MAN2A1: variants seen among roughly 807,000 people sequenced by gnomAD.
The protein encoded by MAN2A1 is mannosidase alpha class 2A member 1, also known as alpha-mannosidase 2.
MAN2A1 carries 76 observed loss-of-function variants against 142.6 expected under a neutral mutation model. The observed-to-expected ratio is 0.53, with a 90% CI of 0.44 to 0.65. The LOEUF (loss-of-function observed/expected upper bound fraction) is 0.65. MAN2A1 is among the 30% of genes least tolerant of loss of function. The pLI is 0.00. For missense variants in MAN2A1, 1,311 were observed against 1,365.1 expected (o/e 0.96, Z 0.62); for synonymous variants, 559 against 473.2 (o/e 1.18, Z -2.35).
chr5:109,778,412 G>A (rs536841109), intron 8 of MAN2A1, among the ~76,000 whole-genome samples: 8 of 152,076 alleles, frequency 5.3e-5, no homozygotes, highest in African/African-American at 1.7e-4. Context: ...TTGAGTAGGC[G>A]TGGTGAAAGC....
At chr5:109,815,851 C>A (rs1754442299) in intron 12 of MAN2A1, among the ~76,000 whole-genome samples, 1 of 152,156 alleles carries the variant, frequency 6.6e-6, no homozygotes, top group Admixed American at 6.5e-5. Flanking sequence ...TCCAACTATT[C>A]AGTGTGTTCC....
intron 16 of MAN2A1, among the ~76,000 whole-genome samples, chr5:109,831,020 G>C (rs1754892935): frequency 3.9e-5 from 6 of 152,148 alleles, no homozygotes; most frequent in Admixed American, 3.9e-4. Flanking sequence ...ACAGGGATGG[G>C]GGAAACACAG....
In MAN2A1 at chr5:109,767,687, T is replaced by A. The variant is rs759644390; in HGVS notation, c.988T>A (p.Phe330Ile). Residue 330 changes from phenylalanine (F) to isoleucine (I), a missense_variant, in exon 6 of 22, where the codon TTT becomes ATT. This residue lies in a region of MAN2A1 where 409 missense variants were observed against 412.7 expected (regional missense o/e 0.99). Coordinates refer to ENST00000261483, the MANE Select transcript of MAN2A1 (RefSeq NM_002372.4). ...KHFALHKTLE[F>I]FWRQNWDLGS... is the part of the protein sequence containing the mutation. Reference sequence around the variant, plus strand: ...CTTTGCACTGCATAAAACATTGGAGTTTTTTTGGAGACAGAATTGGGGTAT... The same window carrying A: ...CTTTGCACTGCATAAAACATTGGAGATTTTTTGGAGACAGAATTGGGGTAT... The A allele has an allele frequency of 6.2e-7, 1 of 1,611,832 alleles. No individual in the cohort carries two copies. The highest frequency in any genetic ancestry group is 8.5e-7 in the Non-Finnish European group (1 of 1,179,194).
intron 4 of MAN2A1, among the ~76,000 whole-genome samples, chr5:109,739,713 C>T (rs2112603399): frequency 6.6e-6 from 1 of 152,254 alleles, no homozygotes; most frequent in Non-Finnish European, 1.5e-5. Context: ...CTTTTCTAAC[C>T]ATATACTTTC....
At chr5:109,804,170 C>T in intron 12 of MAN2A1, 1 of 987,212 alleles carries the variant, frequency 1.0e-6, no homozygotes, top group Non-Finnish European at 1.2e-6. Flanking sequence ...AAAGCGTGCA[C>T]AACAAGAGGA....
intron 19 of MAN2A1, among the ~76,000 whole-genome samples, chr5:109,850,372 T>C (rs1039506157): frequency 6.6e-6 from 1 of 152,202 alleles, no homozygotes; most frequent in African/African-American, 2.4e-5. Flanking sequence ...TCATTTGTCC[T>C]TATATTTGGT....
At chr5:109,708,957 A>G (rs1237969567) in intron 1 of MAN2A1, among the ~76,000 whole-genome samples, 1 of 152,166 alleles carries the variant, frequency 6.6e-6, no homozygotes, top group Non-Finnish European at 1.5e-5. Context: ...TCCTCTGGAA[A>G]CACTCTCACA....
In MAN2A1 at chr5:109,803,073, A is replaced by G. The variant is rs541051750; in HGVS notation, c.1943+13546A>G. Among the ~76,000 whole-genome samples, 75 of 152,174 alleles carry G rather than the reference A, an allele frequency of 4.9e-4. 1 individual carries two copies. Among genetic ancestry groups the G allele is most frequent in the African/African-American group, 1.7e-3 (70 of 41,564 alleles). ...GTGTGGGATTTGCCTTAGTGCTTTA[A>G]CAGCATAGGATTTTAAATCATTCTT... On this transcript the variant is annotated intron_variant, in intron 12 of 21. Coordinates refer to ENST00000261483, the MANE Select transcript of MAN2A1 (RefSeq NM_002372.4).
chr5:109,746,253 A>T (rs561395163), intron 4 of MAN2A1, among the ~76,000 whole-genome samples: 38 of 152,310 alleles, frequency 2.5e-4, no homozygotes, highest in South Asian at 1.9e-3. Context: ...GAGATTACAG[A>T]TGTGAACCAC....
Position 109,855,125 on chromosome 5 carries a change from G to T in MAN2A1, c.2977-15G>T, listed in dbSNP as rs1391862491. ...AAATATAGACCTCTTAAACATTTTT[G>T]TTTTTTCTTGATAGGAAGAAGAAAA... On this transcript the variant is annotated splice_polypyrimidine_tract_variant and intron_variant, in intron 19 of 21. Coordinates refer to ENST00000261483, the MANE Select transcript of MAN2A1 (RefSeq NM_002372.4). 2.7e-6 allele frequency: 4 copies of T among 1,489,984 alleles called. No homozygotes were observed. The highest frequency in any genetic ancestry group is 2.3e-5 in the Admixed American group (1 of 43,010). 92.3% of individuals were successfully genotyped at this position (1,489,984 alleles called of 1,614,324 possible).
At position 109,867,944 on chromosome 5, in the gene MAN2A1, G is replaced by A. The variant is rs1222553723; in HGVS notation, c.*946G>A. The A allele has an allele frequency of 6.6e-6, 1 of 152,100 alleles. No homozygotes were observed. Among genetic ancestry groups the A allele is most frequent in the African/African-American group, 2.4e-5 (1 of 41,430 alleles). 9.4% of individuals were successfully genotyped at this position (152,100 alleles called of 1,614,324 possible). On this transcript the variant is annotated 3_prime_UTR_variant, in exon 22 of 22. Transcript: ENST00000261483. The stretch of plus-strand genomic sequence containing the variant: ...GGGTACTTTCTATGACACATAAATT[G>A]TGTAATTTTTGCCTGACAATGCTGG...
At chr5:109,761,024 G>GT (rs1181467733) in intron 5 of MAN2A1, among the ~76,000 whole-genome samples, 2 of 151,262 alleles carry the variant, frequency 1.3e-5, no homozygotes, top group Non-Finnish European at 3.0e-5. Flanking sequence ...GTTTTTAGTG[G>GT]TATCTTTTTC....
intron 4 of MAN2A1, among the ~76,000 whole-genome samples, chr5:109,740,611 G>A (rs1165866478): frequency 1.3e-5 from 2 of 152,248 alleles, no homozygotes; most frequent in South Asian, 2.1e-4. Context: ...CTGCAGAGGG[G>A]GACTCACACA....
intron 19 of MAN2A1, among the ~76,000 whole-genome samples, chr5:109,850,559 T>C (rs1345690379): frequency 6.6e-6 from 1 of 152,216 alleles, no homozygotes; most frequent in East Asian, 1.9e-4. Flanking sequence ...CAAGATAGCT[T>C]AGTTTTAAGG....
At chr5:109,827,595 C>G (rs1208521843) in intron 16 of MAN2A1, among the ~76,000 whole-genome samples, 2 of 152,190 alleles carry the variant, frequency 1.3e-5, no homozygotes, top group African/African-American at 2.4e-5. Context: ...TTTTGTTTCT[C>G]TATCTGCATT....
chr5:109,837,848 G>A (rs563582928), intron 16 of MAN2A1, among the ~76,000 whole-genome samples: 4 of 152,246 alleles, frequency 2.6e-5, no homozygotes, highest in East Asian at 3.9e-4. Context: ...CATCTTTCCA[G>A]CTACTTAAAC....
chr5:109,713,020 T>C (rs561984866), intron 1 of MAN2A1, among the ~76,000 whole-genome samples: 1 of 152,348 alleles, frequency 6.6e-6, no homozygotes, highest in Admixed American at 6.5e-5. Context: ...TATGGCTGAA[T>C]TGACTAATTG....
intron 4 of MAN2A1, among the ~76,000 whole-genome samples, chr5:109,752,497 A>C (rs1449758027): frequency 6.6e-6 from 1 of 152,218 alleles, no homozygotes. Context: ...TGGAGCTTAC[A>C]TTCTAATGGT....
chr5:109,847,015 T>TGAA (rs1229168191), intron 18 of MAN2A1, among the ~76,000 whole-genome samples: 178 of 152,194 alleles, frequency 1.2e-3, no homozygotes, highest in Admixed American at 1.8e-3. Context: ...AATTTTTTTT[T>TGAA]GAAGAAGAGT....
Sources: gnomAD v4.1 joint callset for allele counts (sites outside exome capture counted in the v4.1 genomes callset) on GRCh38, gnomAD v4.1.1 for gene constraint, gnomAD v4.1.1 regional missense constraint, MANE v1.5 for transcripts, NCBI Gene and HGNC (gene_info 2026-07-23, HGNC 2026-07-21) for gene names.